MAPK6: variants seen among roughly 807,000 people sequenced by gnomAD.
MAPK6 encodes the protein mitogen-activated protein kinase 6.
A neutral mutation model predicts 59.3 loss-of-function variants in MAPK6; 19 were observed. The observed-to-expected ratio is 0.32, with a 90% CI of 0.22 to 0.47. The LOEUF (loss-of-function observed/expected upper bound fraction) is 0.47, where lower values mean the gene tolerates loss of function less well. Among genes scored for constraint, MAPK6 ranks in the 20% least tolerant of loss-of-function variants. MAPK6 has a pLI of 1.00. For synonymous variants in MAPK6, 316 were observed against 290.3 expected (o/e 1.09, Z -0.90); for missense variants, 724 against 847.9 (o/e 0.85, Z 1.81).
intron 2 of MAPK6, among the ~76,000 whole-genome samples, chr15:52,001,509 C>T (rs1049878196): frequency 3.7e-4 from 48 of 128,040 alleles, no homozygotes; most frequent in African/African-American, 4.5e-4. Context: ...CTTTTCCTTT[C>T]TTTTTTTTTT....
At chr15:52,026,114 G>T (rs1401775110) in intron 1 of MAPK6, among the ~76,000 whole-genome samples, 1 of 152,138 alleles carries the variant, frequency 6.6e-6, no homozygotes, top group Non-Finnish European at 1.5e-5. Flanking sequence ...TTTTTAAAAA[G>T]TAGCTATTAA....
At chr15:52,041,114 G>T (rs2031403932) in intron 1 of MAPK6, among the ~76,000 whole-genome samples, 2 of 152,180 alleles carry the variant, frequency 1.3e-5, no homozygotes, top group South Asian at 4.1e-4. Flanking sequence ...TTACTGCCTT[G>T]TTGAAGTGTG....
Position 52,063,995 on chromosome 15 carries a change from T to C in MAPK6, c.1161T>C (p.Asp387=). ...EVQLDPRALS[D]VTDEEEVQVD... ...AGCTTGATCCAAGAGCTCTGTCCGATGTCACTGATGAAGAAGAAGTACAAG... is the reference window on the plus strand; with the variant it reads ...AGCTTGATCCAAGAGCTCTGTCCGACGTCACTGATGAAGAAGAAGTACAAG... The change falls in exon 6 of 6, where the codon GAT becomes GAC. Residue 387 remains aspartate (D), a synonymous_variant. Transcript: ENST00000261845. 3.7e-6 allele frequency: 6 copies of C among 1,613,732 alleles called. No homozygotes were observed. Among genetic ancestry groups the C allele is most frequent in the Non-Finnish European group, 5.1e-6 (6 of 1,179,712 alleles).
chr15:52,037,890 A>G (rs987876409), intron 1 of MAPK6, among the ~76,000 whole-genome samples: 1 of 152,206 alleles, frequency 6.6e-6, no homozygotes, highest in African/African-American at 2.4e-5. Flanking sequence ...TACTATGCTT[A>G]GGAAATGTCC....
intron 5 of MAPK6, 36 bp from the exon 6 acceptor site, chr15:52,063,866 T>G: frequency 1.3e-6 from 2 of 1,511,384 alleles, no homozygotes; most frequent in Non-Finnish European, 1.8e-6. Context: ...TGAAATCATA[T>G]ACGTAGAATA....
At chr15:52,016,060 GCGCGCGCGCGCA>G (rs1437006498), upstream of MAPK6, among the ~76,000 whole-genome samples, 5 of 56,996 alleles carry the variant, frequency 8.8e-5, no homozygotes, top group East Asian at 4.9e-4. Flanking sequence ...CATCGCGCGC[GCGCGCGCGCGCA>G]CACACACACA....
intron 2 of MAPK6, among the ~76,000 whole-genome samples, chr15:51,996,418 C>A (rs533339900): frequency 1.3e-5 from 2 of 152,218 alleles, no homozygotes; most frequent in South Asian, 4.1e-4. Flanking sequence ...TTTTTTGAGA[C>A]AGAGTCTTGC....
chr15:51,975,970 T>C (rs1346803305), intron 1 of MAPK6, among the ~76,000 whole-genome samples: 1 of 151,910 alleles, frequency 6.6e-6, no homozygotes, highest in South Asian at 2.1e-4. Flanking sequence ...TTTCTTCATA[T>C]AAAAGAGTTT....
At chr15:52,027,103 C>T (rs1489530743) in intron 1 of MAPK6, among the ~76,000 whole-genome samples, 2 of 151,364 alleles carry the variant, frequency 1.3e-5, no homozygotes, top group Non-Finnish European at 2.9e-5. Context: ...CCTGTAATCC[C>T]AGGACTTTGG....
chr15:52,058,926 T>A, intron 4 of MAPK6, 129 bp downstream of exon 4: 1 of 618,688 alleles, frequency 1.6e-6, no homozygotes, highest in Non-Finnish European at 2.5e-6. Flanking sequence ...ACTTAAGGTG[T>A]ACGTAAAACT....
At chr15:51,976,437 T>C (rs967887492) in intron 1 of MAPK6, among the ~76,000 whole-genome samples, 1 of 151,656 alleles carries the variant, frequency 6.6e-6, no homozygotes, top group Non-Finnish European at 1.5e-5. Flanking sequence ...AGACATAAAA[T>C]TGAGCAGAAC....
At chr15:52,000,728 A>C (rs917099492) in intron 2 of MAPK6, among the ~76,000 whole-genome samples, 2 of 152,032 alleles carry the variant, frequency 1.3e-5, no homozygotes, top group South Asian at 4.2e-4. Flanking sequence ...ATCTCCCAGA[A>C]GGCGGAGGTT....
At chr15:52,002,479 C>T (rs928935115) in intron 2 of MAPK6, among the ~76,000 whole-genome samples, 2 of 152,138 alleles carry the variant, frequency 1.3e-5, no homozygotes, top group African/African-American at 2.4e-5. Flanking sequence ...GATCCTGAGA[C>T]GGACTTCAGT....
chr15:52,035,386 C>T (rs1158181108), intron 1 of MAPK6, among the ~76,000 whole-genome samples: 1 of 152,104 alleles, frequency 6.6e-6, no homozygotes, highest in African/African-American at 2.4e-5. Context: ...TGTAATCCCA[C>T]CGCTTTGGGA....
At chr15:52,055,754 C>G (rs2031956097) in intron 3 of MAPK6, among the ~76,000 whole-genome samples, 2 of 152,226 alleles carry the variant, frequency 1.3e-5, no homozygotes, top group South Asian at 4.1e-4. Flanking sequence ...GACCTCAGGT[C>G]ATTACCTGCC....
chr15:52,021,559 G>C (rs1264028666), intron 1 of MAPK6: 1 of 152,070 alleles, frequency 6.6e-6, no homozygotes, highest in African/African-American at 2.4e-5. Context: ...TTTGCTGAGA[G>C]GAAAGGTAAA....
intron 1 of MAPK6, among the ~76,000 whole-genome samples, chr15:52,041,574 G>A (rs563550528): frequency 6.6e-6 from 1 of 152,228 alleles, no homozygotes; most frequent in African/African-American, 2.4e-5. Flanking sequence ...GTGGATAGAG[G>A]ATGCAGTGAC....
chr15:52,010,396 G>A (rs754296529), intron 3 of MAPK6, among the ~76,000 whole-genome samples: 3 of 151,080 alleles, frequency 2.0e-5, no homozygotes, highest in Non-Finnish European at 2.9e-5. Context: ...TGTATTTTTA[G>A]TAGAGACAGG....
At chr15:52,016,120 G>A (rs1216231765), upstream of MAPK6, among the ~76,000 whole-genome samples, 2 of 108,914 alleles carry the variant, frequency 1.8e-5, no homozygotes, top group African/African-American at 6.8e-5. Context: ...ACTAAAACTG[G>A]CCGGGCATGG....
Sources: gnomAD v4.1 joint callset for allele counts (sites outside exome capture counted in the v4.1 genomes callset) on GRCh38, gnomAD v4.1.1 for gene constraint, MANE v1.5 for transcripts, NCBI Gene and HGNC (gene_info 2026-07-23, HGNC 2026-07-21) for gene names.